The following SYNPR variants were observed in gnomAD, a reference collection of about 807,000 sequenced individuals.
SYNPR encodes the protein synaptoporin.
Under a neutral mutation model 32.9 loss-of-function variants are expected in SYNPR, and 23 were observed. That is an observed-to-expected ratio of 0.70 (90% CI 0.50 to 0.99). The LOEUF is 0.99. Among genes scored for constraint, SYNPR ranks in the 50% least tolerant of loss-of-function variants. The pLI is 0.00. For synonymous variants in SYNPR, 146 were observed against 135.9 expected (o/e 1.07, Z -0.52); for missense variants, 318 against 349.3 (o/e 0.91, Z 0.71).
At position 63,589,392 on chromosome 3, in the gene SYNPR, T is replaced by C. The variant is rs374564585; in HGVS notation, c.409-19733T>C. On this transcript the variant is annotated intron_variant, in intron 4 of 5. Transcript: ENST00000478300. ...TCTACCAGAATGAGTACTAGGACCATGTCTGTTTCTATTAACTACCATATT... is the reference window on the plus strand; with the variant it reads ...TCTACCAGAATGAGTACTAGGACCACGTCTGTTTCTATTAACTACCATATT... Among the ~76,000 whole-genome samples the C allele has an allele frequency of 4.6e-5, 7 of 152,258 alleles. No homozygotes were observed. In the East Asian group the frequency reaches 9.7e-4, roughly 21 times the overall value.
intron 2 of SYNPR, among the ~76,000 whole-genome samples, chr3:63,392,910 T>G (rs1362969300): frequency 6.6e-6 from 1 of 152,186 alleles, no homozygotes; most frequent in Admixed American, 6.5e-5. Context: ...CTGCCTGCCT[T>G]CCTCAGGGGC....
chr3:63,504,843 T>A (rs1210390716), intron 3 of SYNPR, among the ~76,000 whole-genome samples: 3 of 152,072 alleles, frequency 2.0e-5, no homozygotes. Context: ...AATGTCAGAC[T>A]TATTACCCTT....
At chr3:63,573,117 A>G (rs1014954429) in intron 4 of SYNPR, among the ~76,000 whole-genome samples, 1 of 152,206 alleles carries the variant, frequency 6.6e-6, no homozygotes, top group Non-Finnish European at 1.5e-5. Context: ...TATTAATTGC[A>G]GCTTCTAAAG....
At chr3:63,376,703 G>A (rs1369240016) in intron 2 of SYNPR, among the ~76,000 whole-genome samples, 2 of 151,978 alleles carry the variant, frequency 1.3e-5, no homozygotes, top group Non-Finnish European at 2.9e-5. Context: ...CTCATTCAGG[G>A]TTTAGTTAAG....
At chr3:63,558,477 T>C (rs538962480) in intron 4 of SYNPR, among the ~76,000 whole-genome samples, 48 of 151,956 alleles carry the variant, frequency 3.2e-4, no homozygotes, top group Admixed American at 2.8e-3. Flanking sequence ...GGACAACAGG[T>C]GCATGCCACC....
chr3:63,357,754 A>G (rs1209100662), intron 2 of SYNPR, among the ~76,000 whole-genome samples: 1 of 152,112 alleles, frequency 6.6e-6, no homozygotes, highest in East Asian at 1.9e-4. Flanking sequence ...ATTCAGATTC[A>G]ATTAGTCTAT....
rs1381499946 is a variant in SYNPR at position 63,294,586 on chromosome 3, T to C, written c.84+15844T>C. On this transcript the variant is annotated intron_variant, in intron 2 of 5. Coordinates refer to ENST00000478300, the MANE Select transcript of SYNPR (RefSeq NM_001130003.2). ...CTAGGTCATCGTACTACTCCACCAC[T>C]TGGAAATTATTTAGATTGTTGTTCT... Among the ~76,000 whole-genome samples the C allele has an allele frequency of 1.3e-5, 2 of 152,180 alleles. 1 individual carries two copies. The highest frequency in any genetic ancestry group is 2.9e-5 in the Non-Finnish European group (2 of 68,026).
intron 2 of SYNPR, among the ~76,000 whole-genome samples, chr3:63,306,796 T>C (rs2086914628): frequency 6.6e-6 from 1 of 152,004 alleles, no homozygotes; most frequent in African/African-American, 2.4e-5. Flanking sequence ...CAGTTTGACA[T>C]CAACCTGGCT....
At chr3:63,272,757 A>G (rs1402865348) in intron 3 of SYNPR, among the ~76,000 whole-genome samples, 1 of 152,086 alleles carries the variant, frequency 6.6e-6, no homozygotes, top group East Asian at 1.9e-4. Flanking sequence ...CTTCCCTGCT[A>G]TATAAATGGT....
At chr3:63,582,661 G>A (rs563506559) in intron 4 of SYNPR, among the ~76,000 whole-genome samples, 1 of 152,012 alleles carries the variant, frequency 6.6e-6, no homozygotes, top group Non-Finnish European at 1.5e-5. Flanking sequence ...CACAGGAATA[G>A]GTGCTACAGG....
At chr3:63,607,566 A>G (rs1478172564) in intron 4 of SYNPR, among the ~76,000 whole-genome samples, 2 of 152,256 alleles carry the variant, frequency 1.3e-5, no homozygotes, top group African/African-American at 4.8e-5. Flanking sequence ...TAAAAAGAAG[A>G]AAGGGAATAT....
At chr3:63,451,434 A>G (rs904016531) in intron 2 of SYNPR, among the ~76,000 whole-genome samples, 12 of 152,160 alleles carry the variant, frequency 7.9e-5, no homozygotes, top group African/African-American at 2.9e-4. Context: ...AGAGAGAATC[A>G]TCACTGAAGA....
At chr3:63,558,840 T>A (rs140307876) in intron 4 of SYNPR, among the ~76,000 whole-genome samples, 1 of 150,522 alleles carries the variant, frequency 6.6e-6, no homozygotes, top group Admixed American at 6.6e-5. Context: ...GGGTAATTAA[T>A]AATATGCTTT....
intron 1 of SYNPR, among the ~76,000 whole-genome samples, chr3:63,234,038 G>A (rs964178738): frequency 4.6e-5 from 7 of 152,258 alleles, no homozygotes; most frequent in Middle Eastern, 3.4e-3. Flanking sequence ...GTATTAGTCC[G>A]TTTTCACACT....
chr3:63,366,718 G>A (rs1352799464), intron 2 of SYNPR, among the ~76,000 whole-genome samples: 1 of 152,148 alleles, frequency 6.6e-6, no homozygotes, highest in Non-Finnish European at 1.5e-5. Flanking sequence ...AAGAGTCATA[G>A]TGCCATTTCT....
At chr3:63,343,739 G>T (rs1274700183) in intron 2 of SYNPR, among the ~76,000 whole-genome samples, 1 of 152,190 alleles carries the variant, frequency 6.6e-6, no homozygotes, top group African/African-American at 2.4e-5. Flanking sequence ...TAACTTTAAA[G>T]GGTTTCTTGA....
At chr3:63,348,561 G>T (rs1485337915) in intron 2 of SYNPR, among the ~76,000 whole-genome samples, 4 of 151,806 alleles carry the variant, frequency 2.6e-5, no homozygotes, top group Non-Finnish European at 4.4e-5. Context: ...TTTTGTTTTT[G>T]TTACTTGTGC....
intron 3 of SYNPR, among the ~76,000 whole-genome samples, chr3:63,498,049 C>T (rs140763382): frequency 6.6e-6 from 1 of 152,146 alleles, no homozygotes; most frequent in East Asian, 1.9e-4. Flanking sequence ...AGCAGAAATA[C>T]TCAGAGACGT....
At chr3:63,385,494 G>A (rs938592764) in intron 2 of SYNPR, among the ~76,000 whole-genome samples, 2 of 152,118 alleles carry the variant, frequency 1.3e-5, no homozygotes, top group African/African-American at 4.8e-5. Flanking sequence ...GAGATTCACT[G>A]GCTTGAACTC....
Sources: allele counts gnomAD v4.1 joint callset (sites outside exome capture counted in the v4.1 genomes callset), GRCh38; gene constraint gnomAD v4.1.1; transcripts MANE v1.5; gene names NCBI Gene and HGNC (gene_info 2026-07-23, HGNC 2026-07-21).